The following TRPC6 variants were observed in gnomAD, a reference collection of about 807,000 sequenced individuals.
TRPC6 encodes the protein short transient receptor potential channel 6.
In TRPC6, 55 loss-of-function variants were observed where a neutral mutation model predicts 90.7. The observed-to-expected ratio is 0.61, with a 90% confidence interval of 0.49 to 0.76. The LOEUF (loss-of-function observed/expected upper bound fraction) is 0.76, where lower values mean the gene tolerates loss of function less well. TRPC6 is among the 30% of genes least tolerant of loss of function. TRPC6 has a pLI of 0.00. For synonymous variants in TRPC6, 393 were observed against 393.0 expected, an observed-to-expected ratio of 1.00 and a Z score of 0.00; for missense variants, 989 against 1,122.7, an observed-to-expected ratio of 0.88 and a Z score of 1.70.
chr11:101,533,267 T>A (rs1213078710), intron 1 of TRPC6, among the ~76,000 whole-genome samples: 1 of 152,164 alleles, frequency 6.6e-6, no homozygotes, highest in Non-Finnish European at 1.5e-5. Flanking sequence ...CATAGTGGCA[T>A]CTACCTCTGG....
chr11:101,583,374 G>A lies in TRPC6; in HGVS notation c.130C>T (p.Pro44Ser), dbSNP rs149263696. Residue 44 changes from proline (P) to serine (S), a missense_variant, in exon 1 of 13, where the codon CCG becomes TCG. Physicochemically the swap from Pro to Ser is moderately conservative, Grantham distance 74. Transcript: ENST00000344327. Reference sequence around the variant, plus strand: ...CCGTAGCAAGGCAGCGGGGCTTGCGGGCAGCCGTCTTCTCCCAGCTCCGAG... The same window carrying A: ...CCGTAGCAAGGCAGCGGGGCTTGCGAGCAGCCGTCTTCTCCCAGCTCCGAG... ...MDSELGEDGC[P>S]QAPLPCYGYY... is the part of the protein sequence containing the mutation. 7.5e-6 allele frequency: 12 copies of A among 1,594,040 alleles called. No individual in the cohort carries two copies. The highest frequency in any genetic ancestry group is 2.3e-5 in the South Asian group (2 of 88,244).
intron 1 of TRPC6, among the ~76,000 whole-genome samples, chr11:101,546,207 G>A (rs1861303688): frequency 1.8e-5 from 2 of 112,566 alleles, no homozygotes; most frequent in South Asian, 5.5e-4. Context: ...GAGTAGCTGG[G>A]ACTACAGGCG....
At chr11:101,454,955 CAT>C (rs1858849305) in intron 11 of TRPC6, 61 bp downstream of exon 11, 1 of 1,286,494 alleles carries the variant, frequency 7.8e-7, no homozygotes, top group Admixed American at 1.9e-5. Flanking sequence ...TAAAGAATCA[CAT>C]AGTTCAAGAA....
rs139923879 is a variant in TRPC6 at position 101,473,924 on chromosome 11, G to T, written c.1745-151C>A. 4.6e-4 allele frequency: 475 copies of T among 1,036,686 alleles called. No individual in the cohort carries two copies. In the African/African-American group the frequency reaches 7.0e-3, roughly 15 times the overall value. 64.2% of individuals were successfully genotyped at this position (1,036,686 alleles called of 1,614,324 possible). A position where few individuals can be genotyped will look rare whatever the true frequency, so the allele number is the denominator to read the frequency against. On this transcript the variant is annotated intron_variant, in intron 6 of 12. Coordinates refer to ENST00000344327, the MANE Select transcript of TRPC6 (RefSeq NM_004621.6). ...TAAAGGGCTTCTTAAGTGTCTGCTA[G>T]AGTTGAGCTTCTTAGTTTATTGAGA...
intron 10 of TRPC6, among the ~76,000 whole-genome samples, chr11:101,459,359 C>T (rs11822237): frequency 0.12 from 18,236 of 152,156 alleles, 1,669 homozygotes; most frequent in African/African-American, 0.25. Context: ...CAGGGAACGG[C>T]ACATCTCTGT....
rs145609260 is a variant in TRPC6 at position 101,483,995 on chromosome 11, A to T, written c.1294-830T>A. Among the ~76,000 whole-genome samples the T allele has an allele frequency of 5.3e-3, 813 of 152,266 alleles. 3 individuals are homozygous for T. Among genetic ancestry groups the T allele is most frequent in the African/African-American group, 0.019 (774 of 41,550 alleles). ...AGGGGTCTGGACATCCTCTGAAATG[A>T]ACAAAACTTAAGCTGTGTGTGCAGT... On this transcript the variant is annotated intron_variant, in intron 4 of 12. Transcript: ENST00000344327.
intron 2 of TRPC6, among the ~76,000 whole-genome samples, chr11:101,498,604 G>C (rs564399511): frequency 6.6e-6 from 1 of 152,238 alleles, no homozygotes; most frequent in South Asian, 2.1e-4. Flanking sequence ...ATTGTAGTAG[G>C]GGACAGTTTG....
chr11:101,505,491 C>G (rs2136745265), intron 1 of TRPC6, among the ~76,000 whole-genome samples: 1 of 152,196 alleles, frequency 6.6e-6, no homozygotes, highest in Non-Finnish European at 1.5e-5. Context: ...GAGGGTGAGA[C>G]AGGGGTTAGG....
chr11:101,498,173 A>G (rs1395807763), intron 2 of TRPC6, among the ~76,000 whole-genome samples: 1 of 152,174 alleles, frequency 6.6e-6, no homozygotes, highest in Non-Finnish European at 1.5e-5. Context: ...TTGGTATCAA[A>G]ACCAGTCAAA....
intron 10 of TRPC6, among the ~76,000 whole-genome samples, chr11:101,461,657 C>T (rs1190150994): frequency 6.6e-6 from 1 of 152,216 alleles, no homozygotes; most frequent in Non-Finnish European, 1.5e-5. Flanking sequence ...ACATTTTCCC[C>T]TTTATCTTTC....
intron 10 of TRPC6, among the ~76,000 whole-genome samples, chr11:101,468,159 T>C (rs1859194690): frequency 6.6e-6 from 1 of 152,140 alleles, no homozygotes; most frequent in Non-Finnish European, 1.5e-5. Flanking sequence ...ACAGAATTCA[T>C]GCACAGGTCT....
chr11:101,501,795 G>A (rs539865339), intron 2 of TRPC6, among the ~76,000 whole-genome samples: 1 of 152,204 alleles, frequency 6.6e-6, no homozygotes, highest in Non-Finnish European at 1.5e-5. Context: ...GTAATTTTGA[G>A]TTAGGTTTCT....
intron 2 of TRPC6, among the ~76,000 whole-genome samples, chr11:101,502,746 A>G (rs1234574473): frequency 2.6e-5 from 4 of 152,098 alleles, no homozygotes; most frequent in Non-Finnish European, 5.9e-5. Flanking sequence ...GAGGAAAAGC[A>G]CCTTCCTCTA....
At chr11:101,536,424 A>G (rs1861049930) in intron 1 of TRPC6, among the ~76,000 whole-genome samples, 1 of 149,722 alleles carries the variant, frequency 6.7e-6, no homozygotes, top group African/African-American at 2.4e-5. Flanking sequence ...AAAAAGAAAG[A>G]AAAGAAAATG....
At chr11:101,490,421 G>GA (rs1479832405) in intron 3 of TRPC6, among the ~76,000 whole-genome samples, 10 of 152,004 alleles carry the variant, frequency 6.6e-5, no homozygotes, top group African/African-American at 2.4e-4. Flanking sequence ...ACTTTTATTG[G>GA]AAAAATCTAC....
In TRPC6 at chr11:101,548,472, A is replaced by ATC. The variant is rs1380892415; in HGVS notation, c.170+34861_170+34862insGA. ...TATATATACTGATATATATATATATATATATCTCTCTCTCTCTCTCTGTCT... is the reference window on the plus strand; with the variant it reads ...TATATATACTGATATATATATATATATCTATATCTCTCTCTCTCTCTCTGTCT... On this transcript the variant is annotated intron_variant, in intron 1 of 12. Transcript: ENST00000344327. Among the ~76,000 whole-genome samples, 1,158 of 42,840 alleles carry ATC rather than the reference A, an allele frequency of 0.027. 20 individuals carry two copies. In the East Asian group the frequency reaches 0.43, roughly 16 times the overall value. The allele number at this position is 42,840 out of a possible 152,430, so 28.1% of individuals were successfully genotyped here.
chr11:101,547,315 A>G (rs1861329371), intron 1 of TRPC6, among the ~76,000 whole-genome samples: 1 of 152,186 alleles, frequency 6.6e-6, no homozygotes, highest in South Asian at 2.1e-4. Flanking sequence ...CTAAGTCTAT[A>G]TGGGCCCTGA....
chr11:101,504,540 A>G lies in TRPC6; in HGVS notation c.429T>C (p.Asn143=), dbSNP rs1234860146. 1.2e-6 allele frequency: 2 copies of G among 1,614,034 alleles called. No individual in the cohort carries two copies. Among genetic ancestry groups the G allele is most frequent in the African/African-American group, 1.3e-5 (1 of 74,930 alleles). The change falls in exon 2 of 13, where the codon AAT becomes AAC. Residue 143 remains asparagine (N), a synonymous_variant. Transcript: ENST00000344327. ...GQNALQLAVA[N]EHLEITELLL... is the part of the protein sequence containing the mutation. ...GAAGTTCTGTAATTTCCAGATGCTC[A>G]TTGGCCACTGCCAACTGTAGGGCAT...
At chr11:101,505,297 C>A (rs1565222065) in intron 1 of TRPC6, among the ~76,000 whole-genome samples, 2 of 152,128 alleles carry the variant, frequency 1.3e-5, no homozygotes, top group African/African-American at 4.8e-5. Context: ...CAAATAGATG[C>A]TTTTTCCTGC....
Sources: gnomAD v4.1 joint callset for allele counts (sites outside exome capture counted in the v4.1 genomes callset) on GRCh38, gnomAD v4.1.1 for gene constraint, MANE v1.5 for transcripts, NCBI Gene and HGNC (gene_info 2026-07-23, HGNC 2026-07-21) for gene names.